Variants in PHACTR1 observed in about 807,000 individuals in gnomAD.
The protein encoded by PHACTR1 is phosphatase and actin regulator 1.
Under a neutral mutation model 69.2 loss-of-function variants are expected in PHACTR1, and 16 were observed. The observed-to-expected ratio is 0.23, with a 90% CI of 0.16 to 0.35. PHACTR1 has a LOEUF of 0.35. Ranked by LOEUF, PHACTR1 falls within the 10% of genes least tolerant of loss-of-function variation. The pLI, the probability that PHACTR1 is intolerant of heterozygous loss-of-function variation, is 1.00. For missense variants in PHACTR1, 510 were observed against 734.7 expected, an observed-to-expected ratio of 0.69 and a Z score of 3.54; for synonymous variants, 312 against 284.5, an observed-to-expected ratio of 1.10 and a Z score of -0.97.
chr6:13,270,593 T>C (rs1435071802), intron 10 of PHACTR1, among the ~76,000 whole-genome samples: 1 of 152,180 alleles, frequency 6.6e-6, no homozygotes, highest in Non-Finnish European at 1.5e-5. Flanking sequence ...GGGTCAAAGA[T>C]AAATATGTTT....
At chr6:13,148,103 C>T (rs1270034444) in intron 5 of PHACTR1, among the ~76,000 whole-genome samples, 1 of 145,506 alleles carries the variant, frequency 6.9e-6, no homozygotes, top group Non-Finnish European at 1.5e-5. Flanking sequence ...ATAAATGGAA[C>T]CATAGTATAT....
chr6:13,183,829 C>T (rs1400294480), intron 7 of PHACTR1, among the ~76,000 whole-genome samples: 1 of 152,180 alleles, frequency 6.6e-6, no homozygotes, highest in Non-Finnish European at 1.5e-5. Flanking sequence ...AAAAATCTGT[C>T]ATTCCAGCAG....
At chr6:12,816,432 G>C (rs546704913) in intron 4 of PHACTR1, among the ~76,000 whole-genome samples, 1 of 152,242 alleles carries the variant, frequency 6.6e-6, no homozygotes, top group Admixed American at 6.5e-5. Context: ...TTCATGTCAG[G>C]GAGAGATAAA....
At position 12,973,916 on chromosome 6, in the gene PHACTR1, A is replaced by ATTTT. The variant is rs33948457; in HGVS notation, c.251-79429_251-79426dup. Among the ~76,000 whole-genome samples, 457 of 92,826 alleles carry ATTTT rather than the reference A, an allele frequency of 4.9e-3. 4 individuals carry two copies. Among genetic ancestry groups the ATTTT allele is most frequent in the Non-Finnish European group, 6.6e-3 (330 of 50,252 alleles). The allele number at this position is 92,826 out of a possible 152,430, so 60.9% of individuals were successfully genotyped here. ...TACATTAGGGGTTGAAGAGGCTGGG[A>ATTTT]TTTTTTTTTTTTTTTTTTTTTTTGA... On this transcript the variant is annotated intron_variant, in intron 4 of 14. Coordinates refer to ENST00000332995, the MANE Select transcript of PHACTR1 (RefSeq NM_030948.6).
intron 5 of PHACTR1, among the ~76,000 whole-genome samples, chr6:13,141,595 G>A (rs370607542): frequency 6.6e-6 from 1 of 152,082 alleles, no homozygotes; most frequent in South Asian, 2.1e-4. Context: ...TCGCTGCCTT[G>A]TCATTACCGT....
chr6:13,016,299 G>A (rs566813683), intron 4 of PHACTR1, among the ~76,000 whole-genome samples: 11 of 152,342 alleles, frequency 7.2e-5, no homozygotes, highest in African/African-American at 2.6e-4. Context: ...TTAAGGTGAG[G>A]CACACCTGTA....
chr6:12,844,918 A>G (rs1779054630), intron 4 of PHACTR1, among the ~76,000 whole-genome samples: 1 of 152,198 alleles, frequency 6.6e-6, no homozygotes, highest in South Asian at 2.1e-4. Flanking sequence ...AAATAAAAAC[A>G]TAAATACTTG....
chr6:13,194,769 C>T (rs1764137061), intron 7 of PHACTR1, among the ~76,000 whole-genome samples: 1 of 152,276 alleles, frequency 6.6e-6, no homozygotes, highest in Non-Finnish European at 1.5e-5. Flanking sequence ...TGAATATCTA[C>T]AATTATTATT....
intron 4 of PHACTR1, among the ~76,000 whole-genome samples, chr6:12,914,898 G>T (rs775452274): frequency 6.6e-6 from 1 of 152,178 alleles, no homozygotes; most frequent in Admixed American, 6.5e-5. Context: ...GAAGTCCACT[G>T]GATGATGGAG....
chr6:12,980,960 C>G (rs1029824541), intron 4 of PHACTR1, among the ~76,000 whole-genome samples: 4 of 152,240 alleles, frequency 2.6e-5, no homozygotes, highest in African/African-American at 9.6e-5. Context: ...GCGGGTTATA[C>G]AGATGCCTGG....
At chr6:12,915,781 C>T (rs543703642) in intron 4 of PHACTR1, among the ~76,000 whole-genome samples, 1 of 152,238 alleles carries the variant, frequency 6.6e-6, no homozygotes, top group Non-Finnish European at 1.5e-5. Context: ...GAATTGAACC[C>T]ATCTGCTTCG....
rs1179156924 is a variant in PHACTR1 at position 13,280,912 on chromosome 6, C to T, written c.1510-2510C>T. The T allele has an allele frequency of 5.5e-6, 7 of 1,272,264 alleles. No individual in the cohort carries two copies. The South Asian group carries it at 8.7e-5, about 16-fold the overall frequency. 78.8% of individuals were successfully genotyped at this position (1,272,264 alleles called of 1,614,324 possible). On this transcript the variant is annotated intron_variant, in intron 12 of 14. Coordinates refer to ENST00000332995, the MANE Select transcript of PHACTR1 (RefSeq NM_030948.6). ...GTGCGTCTTCTGAGCCTTTCGTGGT[C>T]AGGGACATGAGCCCATGCACACAGA...
chr6:12,738,508 T>C (rs1043896642), intron 3 of PHACTR1, among the ~76,000 whole-genome samples: 3 of 152,216 alleles, frequency 2.0e-5, no homozygotes, highest in African/African-American at 4.8e-5. Context: ...TGCAAACTGA[T>C]GATTTTTCAA....
intron 4 of PHACTR1, among the ~76,000 whole-genome samples, chr6:13,045,228 C>T (rs1050914651): frequency 1.3e-5 from 2 of 151,086 alleles, no homozygotes; most frequent in Admixed American, 1.3e-4. Flanking sequence ...TTCTCCAGCT[C>T]TAAAATGGGG....
intron 7 of PHACTR1, among the ~76,000 whole-genome samples, chr6:13,188,526 A>T (rs946372086): frequency 1.3e-5 from 2 of 152,244 alleles, no homozygotes; most frequent in African/African-American, 4.8e-5. Flanking sequence ...ATGGGGAGTG[A>T]CAGTGGCTAA....
chr6:13,076,027 C>CTTTTT (rs398000515), intron 5 of PHACTR1, among the ~76,000 whole-genome samples: 2 of 101,392 alleles, frequency 2.0e-5, no homozygotes, highest in Non-Finnish European at 4.7e-5. Context: ...AAGGGAGCAT[C>CTTTTT]TTTTTTTTTT....
intron 4 of PHACTR1, among the ~76,000 whole-genome samples, chr6:12,971,598 T>C (rs556172935): frequency 6.6e-6 from 1 of 152,270 alleles, no homozygotes; most frequent in South Asian, 2.1e-4. Context: ...GAGTAGTTAC[T>C]GAGGGGTAGG....
At chr6:13,100,995 C>A (rs1023780197) in intron 5 of PHACTR1, among the ~76,000 whole-genome samples, 5 of 152,330 alleles carry the variant, frequency 3.3e-5, no homozygotes, top group Admixed American at 6.5e-5. Flanking sequence ...CCCAACCCTC[C>A]AGAGATCCTG....
intron 7 of PHACTR1, among the ~76,000 whole-genome samples, chr6:13,190,164 C>T (rs1046196706): frequency 2.7e-5 from 4 of 148,132 alleles, no homozygotes; most frequent in Non-Finnish European, 5.9e-5. Flanking sequence ...GCTGGAATTA[C>T]AGGCTTGTGC....
Sources: allele counts gnomAD v4.1 joint callset (sites outside exome capture counted in the v4.1 genomes callset), GRCh38; gene constraint gnomAD v4.1.1; transcripts MANE v1.5; gene names NCBI Gene and HGNC (gene_info 2026-07-23, HGNC 2026-07-21).